The following DOCK10 variants were observed in gnomAD, a reference collection of about 807,000 sequenced individuals.
DOCK10 encodes dedicator of cytokinesis protein 10.
DOCK10 carries 145 observed loss-of-function variants against 280.1 expected under a neutral mutation model. The ratio of observed to expected loss-of-function variants is 0.52; its 90% confidence interval spans 0.45 to 0.59. The LOEUF is 0.59. DOCK10 is among the 20% of genes least tolerant of loss of function. The pLI, the probability that DOCK10 is intolerant of heterozygous loss-of-function variation, is 0.00. For missense variants in DOCK10, 2,368 were observed against 2,651.7 expected, an observed-to-expected ratio of 0.89 and a Z score of 2.35; for synonymous variants, 915 against 942.2, an observed-to-expected ratio of 0.97 and a Z score of 0.53.
intron 14 of DOCK10, chr2:224,862,168 G>C (rs1197910017): frequency 6.6e-6 from 1 of 152,524 alleles, no homozygotes; most frequent in Non-Finnish European, 1.5e-5. Context: ...GATAAATTTG[G>C]CTGGGCTAAA....
chr2:224,771,894 A>G (rs1690468549), intron 53 of DOCK10, among the ~76,000 whole-genome samples: 1 of 149,480 alleles, frequency 6.7e-6, no homozygotes, highest in Admixed American at 6.7e-5. Context: ...TGTCAGGATC[A>G]GTAGCATTAA....
Position 224,876,201 on chromosome 2 carries a change from A to T in DOCK10, c.768T>A (p.Tyr256Ter). The T allele has an allele frequency of 1.9e-6, 3 of 1,611,320 alleles. No homozygotes were observed. Among genetic ancestry groups the T allele is most frequent in the Non-Finnish European group, 2.5e-6 (3 of 1,178,546 alleles). ...GVVQNNRLRK[Y>*]AFELKMNDLT... ...GATCATTCATTTTCAATTCAAAGGCATATTTTCTTAGTCTGTTATTCTGTG... is the reference window on the plus strand; with the variant it reads ...GATCATTCATTTTCAATTCAAAGGCTTATTTTCTTAGTCTGTTATTCTGTG... The change falls in exon 8 of 56, where the codon TAT (tyrosine) becomes TAA (stop). Residue 256 changes from tyrosine to a stop codon, truncating the protein, a stop_gained. Transcript: ENST00000258390. LOFTEE classifies it high-confidence loss of function.
At chr2:224,956,983 A>G (rs1035564009) in intron 1 of DOCK10, among the ~76,000 whole-genome samples, 2 of 152,212 alleles carry the variant, frequency 1.3e-5, no homozygotes, top group African/African-American at 4.8e-5. Context: ...AAACCTGGTC[A>G]TGCTTGTCAT....
chr2:224,804,082 A>G, intron 39 of DOCK10, 30 bp downstream of exon 39: 3 of 1,450,820 alleles, frequency 2.1e-6, no homozygotes, highest in Non-Finnish European at 2.9e-6. Context: ...GCTATATATA[A>G]TTTTAAATAC....
In DOCK10 at chr2:224,908,184, A is replaced by ATGTGTGTGTG. The variant is rs71062966; in HGVS notation, c.333+8501_333+8510dup. On this transcript the variant is annotated intron_variant, in intron 3 of 55. Coordinates refer to ENST00000258390, the MANE Select transcript of DOCK10 (RefSeq NM_014689.3). ...AAATGAGTTGTGTGTGTGTGTGTGT[A>ATGTGTGTGTG]TGTGTGTGTGTGTGTGTGTATTTTT... Among the ~76,000 whole-genome samples the ATGTGTGTGTG allele has an allele frequency of 3.3e-3, 494 of 148,512 alleles. 1 individual carries two copies. The highest frequency in any genetic ancestry group is 0.011 in the African/African-American group (444 of 40,386).
In DOCK10 at chr2:224,808,029, A is replaced by T. The variant is rs1301581236; in HGVS notation, c.3467T>A (p.Ile1156Asn). 4 of 1,612,862 alleles carry T rather than the reference A, an allele frequency of 2.5e-6. No homozygotes were observed. Among genetic ancestry groups the T allele is most frequent in the Non-Finnish European group, 3.4e-6 (4 of 1,179,374 alleles). ...EFCRKHFLIG[I>N]LLREVGFALQ... ...GGCAAAGCCAACTTCTCGGAGCAGA[A>T]TTCCGATTAAGAAGTGTTTGCGACA... is the stretch of plus-strand genomic sequence containing the variant. The change falls in exon 32 of 56, where the codon ATT (isoleucine) becomes AAT (asparagine). Residue 1156 changes from isoleucine (I) to asparagine (N), a missense_variant. Around this residue, in one of 2 missense-constraint regions of DOCK10, gnomAD observed 1,159 missense variants for 1,400.8 expected, o/e 0.83. Coordinates refer to ENST00000258390, the MANE Select transcript of DOCK10 (RefSeq NM_014689.3).
chr2:224,770,582 G>A lies in DOCK10; in HGVS notation c.6268C>T (p.Pro2090Ser). The change falls in exon 54 of 56, where the codon CCT (proline) becomes TCT (serine). Residue 2090 changes from proline to serine, a missense_variant. Physicochemically the swap from Pro to Ser is moderately conservative, Grantham distance 74. Coordinates refer to ENST00000258390, the MANE Select transcript of DOCK10 (RefSeq NM_014689.3). The surrounding 1 kb of genome is among the most constrained non-coding windows in gnomAD (Gnocchi z 4.5). ...FLEETNAKKY[P>S]DNQVKLLKEI... ...TTCAAAAGCTTTACTTGGTTGTCAG[G>A]GTACTTCTTTGCATTGGTTTCTTCA... The A allele has an allele frequency of 6.2e-7, 1 of 1,613,958 alleles. No individual in the cohort carries two copies. Among genetic ancestry groups the A allele is most frequent in the African/African-American group, 1.3e-5 (1 of 75,046 alleles).
At chr2:224,867,097 C>A (rs1192088608) in intron 11 of DOCK10, among the ~76,000 whole-genome samples, 1 of 152,004 alleles carries the variant, frequency 6.6e-6, no homozygotes, top group African/African-American at 2.4e-5. Context: ...CACACACACA[C>A]ACACACACAC....
At chr2:224,919,321 AGT>A (rs148488692) in intron 2 of DOCK10, among the ~76,000 whole-genome samples, 5 of 142,286 alleles carry the variant, frequency 3.5e-5, no homozygotes, top group South Asian at 2.2e-4. Flanking sequence ...TGTCAGTGTG[AGT>A]GTGTGGTGTA....
intron 1 of DOCK10, among the ~76,000 whole-genome samples, chr2:224,944,028 G>T (rs1385924763): frequency 1.3e-5 from 2 of 152,176 alleles, no homozygotes; most frequent in Non-Finnish European, 2.9e-5. Flanking sequence ...CTCCCAAAGT[G>T]CTGGGATTAC....
intron 3 of DOCK10, among the ~76,000 whole-genome samples, chr2:224,908,245 G>A (rs993476277): frequency 2.1e-5 from 3 of 141,438 alleles, no homozygotes; most frequent in Non-Finnish European, 4.5e-5. Context: ...CATTTACTTC[G>A]CCTTAAATCA....
intron 1 of DOCK10, among the ~76,000 whole-genome samples, chr2:225,019,929 T>G (rs891188556): frequency 2.6e-5 from 4 of 152,208 alleles, no homozygotes; most frequent in Non-Finnish European, 4.4e-5. Flanking sequence ...ACCAACAAGC[T>G]GAACCCCTTA....
intron 19 of DOCK10, among the ~76,000 whole-genome samples, chr2:224,848,081 A>C (rs2125515511): frequency 6.6e-6 from 1 of 152,330 alleles, no homozygotes; most frequent in Non-Finnish European, 1.5e-5. Flanking sequence ...AAAAGCCAAG[A>C]AATGTGGGCA....
chr2:224,984,843 T>C (rs1055781839), intron 1 of DOCK10, among the ~76,000 whole-genome samples: 2 of 144,570 alleles, frequency 1.4e-5, no homozygotes, highest in African/African-American at 5.1e-5. Flanking sequence ...CAGGAAACTT[T>C]TTTTTTTTTT....
At chr2:224,961,459 TTTCTTTC>T (rs1559873946) in intron 1 of DOCK10, among the ~76,000 whole-genome samples, 1 of 132,328 alleles carries the variant, frequency 7.6e-6, no homozygotes, top group Non-Finnish European at 1.6e-5. Context: ...TCTTTCTTTC[TTTCTTTC>T]TTTTTCTTTC....
rs191271010 is a variant in DOCK10, at chr2:225,007,674, G to T, written c.123+34578C>A. Among the ~76,000 whole-genome samples the T allele has an allele frequency of 3.9e-3, 593 of 152,272 alleles. 5 individuals carry two copies. Among genetic ancestry groups the T allele is most frequent in the African/African-American group, 0.014 (566 of 41,556 alleles). On this transcript the variant is annotated intron_variant, in intron 1 of 55. Coordinates refer to ENST00000258390, the MANE Select transcript of DOCK10 (RefSeq NM_014689.3). Reference sequence around the variant, plus strand: ...AAAAGGTGGTGATCCTGGTTTTCATGGCAGTGATGAAACTTGAAATATTGT... The same window carrying T: ...AAAAGGTGGTGATCCTGGTTTTCATTGCAGTGATGAAACTTGAAATATTGT...
chr2:224,883,544 T>C (rs1218586543), intron 7 of DOCK10, among the ~76,000 whole-genome samples: 1 of 152,230 alleles, frequency 6.6e-6, no homozygotes, highest in Admixed American at 6.5e-5. Flanking sequence ...CTCCCAGTTC[T>C]TTTCACATAT....
intron 1 of DOCK10, among the ~76,000 whole-genome samples, chr2:225,039,957 A>C (rs1321026221): frequency 1.3e-5 from 2 of 152,166 alleles, no homozygotes; most frequent in Non-Finnish European, 2.9e-5. Context: ...GCTTGCTCCA[A>C]TACACACCCG....
chr2:224,956,302 T>TG (rs1704028395), intron 1 of DOCK10, among the ~76,000 whole-genome samples: 1 of 152,140 alleles, frequency 6.6e-6, no homozygotes, highest in South Asian at 2.1e-4. Flanking sequence ...AGCTCTCATT[T>TG]GGGGGGTTTA....
Sources: gnomAD v4.1 joint callset for allele counts (sites outside exome capture counted in the v4.1 genomes callset) on GRCh38, gnomAD v4.1.1 for gene constraint, gnomAD v4.1.1 regional missense constraint, Gnocchi (gnomAD v3.1) non-coding constraint, MANE v1.5 for transcripts, NCBI Gene and HGNC (gene_info 2026-07-23, HGNC 2026-07-21) for gene names.